Variants in TET3 observed in about 807,000 individuals in gnomAD.
TET3 encodes tet methylcytosine dioxygenase 3, also known as methylcytosine dioxygenase TET3.
Under a neutral mutation model 141.4 loss-of-function variants are expected in TET3, and 19 were observed. The observed-to-expected ratio is 0.13, with a 90% CI of 0.09 to 0.20. TET3 has a LOEUF of 0.20. TET3 is among the 10% of genes least tolerant of loss of function. TET3 has a pLI of 1.00. For missense variants in TET3, 1,874 were observed against 2,356.9 expected (o/e 0.80, Z 4.24); for synonymous variants, 1,043 against 980.9 (o/e 1.06, Z -1.18).
chr2:74,089,398 C>T (rs1690348559), intron 7 of TET3, among the ~76,000 whole-genome samples: 1 of 151,928 alleles, frequency 6.6e-6, no homozygotes, highest in Non-Finnish European at 1.5e-5. Context: ...GCTTATCCAT[C>T]CCCCAGTTAG....
intron 3 of TET3, among the ~76,000 whole-genome samples, chr2:74,005,857 T>C (rs1477025369): frequency 1.3e-5 from 2 of 152,180 alleles, no homozygotes; most frequent in African/African-American, 2.4e-5. Flanking sequence ...ACCCGTGATA[T>C]CTCAAGGAAC....
chr2:74,063,040 C>G (rs1213783659), intron 4 of TET3, among the ~76,000 whole-genome samples: 1 of 151,852 alleles, frequency 6.6e-6, no homozygotes, highest in Admixed American at 6.6e-5. Flanking sequence ...TGCACCACCA[C>G]GCCTGGCTAA....
In TET3 at chr2:74,102,251, G is replaced by C. The variant is rs1336250189; in HGVS notation, c.*75G>C. The C allele has an allele frequency of 4.7e-5, 64 of 1,366,288 alleles. No individual in the cohort carries two copies. The highest frequency in any genetic ancestry group is 5.9e-5 in the Non-Finnish European group (62 of 1,058,632). 84.6% of individuals were successfully genotyped at this position (1,366,288 alleles called of 1,614,324 possible). Reference sequence around the variant, plus strand: ...CTGTGGTGCTTTTGCCCTCATACCTGGGGGCGGGTTGGGGGTGCAGAAGTC... The same window carrying C: ...CTGTGGTGCTTTTGCCCTCATACCTCGGGGCGGGTTGGGGGTGCAGAAGTC... On this transcript the variant is annotated 3_prime_UTR_variant, in exon 12 of 12. Coordinates refer to ENST00000409262, the MANE Select transcript of TET3 (RefSeq NM_001287491.2).
At chr2:74,073,281 G>A (rs958970048) in intron 4 of TET3, among the ~76,000 whole-genome samples, 7 of 152,166 alleles carry the variant, frequency 4.6e-5, no homozygotes, top group Admixed American at 4.6e-4. Context: ...GAATCCCAAA[G>A]TGCTTAGATC....
chr2:74,054,887 T>TG (rs1688130693), intron 4 of TET3, among the ~76,000 whole-genome samples: 1 of 151,986 alleles, frequency 6.6e-6, no homozygotes, highest in Non-Finnish European at 1.5e-5. Context: ...CTGCATGTTT[T>TG]TTGTTGTTGT....
intron 3 of TET3, among the ~76,000 whole-genome samples, chr2:74,021,846 A>C (rs1686061873): frequency 6.6e-6 from 1 of 152,248 alleles, no homozygotes; most frequent in South Asian, 2.1e-4. Flanking sequence ...ATGCCTTTAA[A>C]TGCCATGATG....
At chr2:74,003,703 T>G (rs1573661326) in intron 3 of TET3, among the ~76,000 whole-genome samples, 2 of 146,026 alleles carry the variant, frequency 1.4e-5, no homozygotes, top group Non-Finnish European at 1.5e-5. Flanking sequence ...TTGGGTAGGG[T>G]GGGGGCTGAT....
intron 2 of TET3, among the ~76,000 whole-genome samples, chr2:73,996,848 G>C (rs115176215): frequency 0.016 from 2,441 of 152,298 alleles, 66 homozygotes; most frequent in African/African-American, 0.055. Context: ...GGGAGGGATC[G>C]AAAAGAAGGC....
At chr2:74,056,266 T>C (rs1688209082) in intron 4 of TET3, among the ~76,000 whole-genome samples, 1 of 152,206 alleles carries the variant, frequency 6.6e-6, no homozygotes, top group African/African-American at 2.4e-5. Context: ...GAAGGTTCTT[T>C]TAGAAATTAA....
chr2:74,053,696 A>G (rs1688069238), intron 4 of TET3, among the ~76,000 whole-genome samples: 1 of 152,206 alleles, frequency 6.6e-6, no homozygotes, highest in Admixed American at 6.5e-5. Context: ...GGCATTGTCC[A>G]GCGAATGTGG....
At chr2:74,108,437 T>TC (rs1691623556), downstream of TET3, among the ~76,000 whole-genome samples, 2 of 152,244 alleles carry the variant, frequency 1.3e-5, no homozygotes, top group African/African-American at 4.8e-5. Flanking sequence ...TTGTTTTCTT[T>TC]CCCTTTTATG....
intron 10 of TET3, among the ~76,000 whole-genome samples, chr2:74,096,777 A>AAAG (rs1553435348): frequency 8.3e-5 from 12 of 145,330 alleles, no homozygotes; most frequent in Admixed American, 2.0e-4. Flanking sequence ...TCAAAAAAAA[A>AAAG]AAAGAAAGAA....
intron 4 of TET3, among the ~76,000 whole-genome samples, chr2:74,065,653 CTTTT>C (rs1301609616): frequency 3.6e-4 from 54 of 148,262 alleles, no homozygotes; most frequent in African/African-American, 1.2e-3. Flanking sequence ...TCTCTCTCTT[CTTTT>C]CTTTTTTCTT....
At chr2:74,026,424 G>C (rs570892133) in intron 3 of TET3, among the ~76,000 whole-genome samples, 1 of 152,284 alleles carries the variant, frequency 6.6e-6, no homozygotes, top group African/African-American at 2.4e-5. Context: ...CCAGTCAGAG[G>C]TGTGTGTCCC....
chr2:74,061,237 G>A (rs1235380579), intron 4 of TET3, among the ~76,000 whole-genome samples: 2 of 142,614 alleles, frequency 1.4e-5, no homozygotes, highest in African/African-American at 2.6e-5. Flanking sequence ...CTGGCCGGGC[G>A]GGGGGCTGAC....
chr2:74,070,914 G>T (rs915864223), intron 4 of TET3, among the ~76,000 whole-genome samples: 1 of 152,130 alleles, frequency 6.6e-6, no homozygotes, highest in African/African-American at 2.4e-5. Context: ...GGTCGAAGCT[G>T]CAGTAAGCTG....
At chr2:74,057,809 C>T (rs921349597) in intron 4 of TET3, among the ~76,000 whole-genome samples, 3 of 152,124 alleles carry the variant, frequency 2.0e-5, no homozygotes, top group Non-Finnish European at 4.4e-5. Context: ...AACAAATAAA[C>T]AAAATCAACA....
chr2:74,039,560 A>G (rs770760475), intron 3 of TET3, among the ~76,000 whole-genome samples: 7 of 152,380 alleles, frequency 4.6e-5, no homozygotes, highest in Middle Eastern at 3.4e-3. Context: ...ACACAGTAGT[A>G]TAAAACAGTA....
rs768040257 is a variant in TET3 at position 74,077,335 on chromosome 2, G to A, written c.2586-3163G>A. ...TCTGGAATGGGATCTGAGAATCTAT[G>A]TTCCATTCCTACCAAATTTCTAGGG... On this transcript the variant is annotated intron_variant, in intron 5 of 11. Coordinates refer to ENST00000409262, the MANE Select transcript of TET3 (RefSeq NM_001287491.2). Among the ~76,000 whole-genome samples the A allele has an allele frequency of 5.9e-5, 9 of 152,220 alleles. No homozygotes were observed. The South Asian group carries it at 8.3e-4, about 14-fold the overall frequency.
Sources: gnomAD v4.1 joint callset for allele counts (sites outside exome capture counted in the v4.1 genomes callset) on GRCh38, gnomAD v4.1.1 for gene constraint, MANE v1.5 for transcripts, NCBI Gene and HGNC (gene_info 2026-07-23, HGNC 2026-07-21) for gene names.